Variants in STXBP5 observed in about 807,000 individuals in gnomAD.
The protein encoded by STXBP5 is syntaxin-binding protein 5.
A neutral mutation model predicts 152.4 loss-of-function variants in STXBP5; 50 were observed. The ratio of observed to expected loss-of-function variants is 0.33; its 90% CI spans 0.26 to 0.42. The LOEUF is 0.42. STXBP5 is among the 10% of genes least tolerant of loss of function. STXBP5 has a pLI of 1.00. For synonymous variants in STXBP5, 492 were observed against 494.7 expected (o/e 0.99, Z 0.07); for missense variants, 1,167 against 1,388.6 (o/e 0.84, Z 2.54).
At chr6:147,236,947 T>C (rs143807789) in intron 3 of STXBP5, among the ~76,000 whole-genome samples, 3,167 of 152,112 alleles carry the variant, frequency 0.021, 115 homozygotes, top group African/African-American at 0.073. Context: ...CCGGCCAGTT[T>C]TTGTATTTTT....
chr6:147,214,988 TAAA>T (rs1413787506), intron 2 of STXBP5, among the ~76,000 whole-genome samples: 3 of 152,182 alleles, frequency 2.0e-5, no homozygotes, highest in East Asian at 3.8e-4. Context: ...TGCAGACACT[TAAA>T]GAAGATCTGA....
intron 16 of STXBP5, among the ~76,000 whole-genome samples, chr6:147,321,320 T>C (rs1183686610): frequency 6.6e-6 from 1 of 152,148 alleles, no homozygotes; most frequent in Non-Finnish European, 1.5e-5. Flanking sequence ...TTGGTTTATT[T>C]GAAGAAACAT....
At chr6:147,282,365 T>C (rs1028393049) in intron 8 of STXBP5, among the ~76,000 whole-genome samples, 2 of 152,196 alleles carry the variant, frequency 1.3e-5, no homozygotes, top group Non-Finnish European at 2.9e-5. Flanking sequence ...AATCTCACTT[T>C]TATGAGTCTC....
intron 18 of STXBP5, among the ~76,000 whole-genome samples, chr6:147,329,087 T>G (rs888168378): frequency 6.6e-6 from 1 of 151,886 alleles, no homozygotes; most frequent in Admixed American, 6.6e-5. Flanking sequence ...AATTACACTA[T>G]CCATAAAATT....
At chr6:147,287,119 G>T (rs1307308410) in intron 8 of STXBP5, among the ~76,000 whole-genome samples, 1 of 149,226 alleles carries the variant, frequency 6.7e-6, no homozygotes, top group African/African-American at 2.5e-5. Context: ...TAGAGAATGG[G>T]GTATTAATCC....
At chr6:147,278,516 AC>A (rs1300167605) in intron 8 of STXBP5, among the ~76,000 whole-genome samples, 2 of 152,192 alleles carry the variant, frequency 1.3e-5, no homozygotes, top group Non-Finnish European at 2.9e-5. Context: ...TGCAGGATTT[AC>A]ATTAAGCTTT....
rs1234878532 is a variant in STXBP5 at position 147,314,462 on chromosome 6, C to T, written c.1361+131C>T. 1.9e-5 allele frequency: 25 copies of T among 1,300,626 alleles called. No homozygotes were observed. The Middle Eastern group carries it at 1.1e-3, about 60-fold the overall frequency. 80.6% of individuals were successfully genotyped at this position (1,300,626 alleles called of 1,614,324 possible). On this transcript the variant is annotated intron_variant, in intron 13 of 27. Coordinates refer to ENST00000321680, the MANE Select transcript of STXBP5 (RefSeq NM_001127715.4). ...TCGTAATATAATAAGAAATGTTATT[C>T]TTAAGAACCTGCCAGTTTACCCTGA...
At chr6:147,234,622 G>A in intron 2 of STXBP5, among the ~76,000 whole-genome samples, 1 of 151,940 alleles carries the variant, frequency 6.6e-6, no homozygotes, top group East Asian at 1.9e-4. Context: ...TGTGGAAAAT[G>A]TTATATAAAT....
intron 4 of STXBP5, among the ~76,000 whole-genome samples, chr6:147,253,400 C>T (rs1025521469): frequency 6.6e-6 from 1 of 152,142 alleles, no homozygotes; most frequent in Non-Finnish European, 1.5e-5. Flanking sequence ...CGGTACAAGA[C>T]AAGGATGCCC....
rs373940110 is a variant in STXBP5, at chr6:147,334,158, C to T, written c.2082C>T (p.Ala694=). Residue 694 remains alanine, a splice_region_variant and synonymous_variant, in exon 19 of 28, where the codon GCC becomes GCT. Coordinates refer to ENST00000321680, the MANE Select transcript of STXBP5 (RefSeq NM_001127715.4). ...SPRKSRQPSG[A]GLCDISEGTV... is the part of the protein sequence containing the mutation. ...TTGTTTTTTGTTTTTGTTTTGTAGC[C>T]GGTCTGTGTGATATTAGTGAAGGGA... is the stretch of plus-strand genomic sequence containing the variant. The T allele has an allele frequency of 1.7e-5, 28 of 1,611,402 alleles. No individual in the cohort carries two copies. In the Middle Eastern group the frequency reaches 1.6e-3, roughly 95 times the overall value.
chr6:147,290,531 A>G (rs1043462526), intron 8 of STXBP5, among the ~76,000 whole-genome samples: 3 of 152,204 alleles, frequency 2.0e-5, no homozygotes, highest in African/African-American at 7.2e-5. Flanking sequence ...GAAATAGATA[A>G]CTGAAATCAA....
Position 147,313,922 on chromosome 6 carries a change from A to C in STXBP5, c.1184A>C (p.His395Pro), listed in dbSNP as rs1252065017. ...GAAAATCCCTACCCTTTGAGTATAC[A>C]TGAGTCCCCTGTTACATGTTGCGAA... Reference protein sequence around the residue: ...IFENPYPLSIHESPVTCCEYF... With the variant: ...IFENPYPLSIPESPVTCCEYF... Residue 395 changes from histidine to proline, a missense_variant, in exon 12 of 28, where the codon CAT (histidine) becomes CCT (proline). By Grantham distance (77) the His-to-Pro change is moderately conservative. Transcript: ENST00000321680. 6.3e-7 allele frequency: 1 copy of C among 1,599,148 alleles called. No homozygotes were observed. Among genetic ancestry groups the C allele is most frequent in the East Asian group, 2.2e-5 (1 of 44,728 alleles).
At chr6:147,218,927 C>G (rs919933388) in intron 2 of STXBP5, among the ~76,000 whole-genome samples, 2 of 152,164 alleles carry the variant, frequency 1.3e-5, no homozygotes, top group Non-Finnish European at 2.9e-5. Flanking sequence ...TCTTCCTAAT[C>G]TATGTGCATA....
At chr6:147,318,062 T>G (rs1430095302) in intron 16 of STXBP5, among the ~76,000 whole-genome samples, 1 of 152,236 alleles carries the variant, frequency 6.6e-6, no homozygotes, top group East Asian at 1.9e-4. Context: ...TAGAATGATT[T>G]ATTTAATTTG....
chr6:147,305,379 C>T (rs1457243427), intron 9 of STXBP5, among the ~76,000 whole-genome samples: 1 of 151,916 alleles, frequency 6.6e-6, no homozygotes, highest in African/African-American at 2.4e-5. Context: ...TTCTTTTTTC[C>T]TCTCAGCCCT....
At chr6:147,329,675 G>A (rs1034419961) in intron 18 of STXBP5, among the ~76,000 whole-genome samples, 2 of 119,618 alleles carry the variant, frequency 1.7e-5, no homozygotes, top group Non-Finnish European at 3.2e-5. Context: ...GCCCAGGCTG[G>A]ACTGCAGTGG....
At chr6:147,360,695 GA>G (rs1289484047) in intron 23 of STXBP5, among the ~76,000 whole-genome samples, 6 of 152,216 alleles carry the variant, frequency 3.9e-5, no homozygotes, top group African/African-American at 1.4e-4. Flanking sequence ...GAAGTGTTAG[GA>G]AAAGGTGACT....
At chr6:147,331,176 C>G (rs532462622) in intron 18 of STXBP5, among the ~76,000 whole-genome samples, 1 of 152,060 alleles carries the variant, frequency 6.6e-6, no homozygotes, top group South Asian at 2.1e-4. Context: ...AGCTTCCTGT[C>G]TGGACTTTTG....
Position 147,326,958 on chromosome 6 carries a change from C to T in STXBP5, c.1929-167C>T, listed in dbSNP as rs187219249. On this transcript the variant is annotated intron_variant, in intron 17 of 27. Transcript: ENST00000321680. ...TGTCTGCAGAAGATCTAAACAGTTCCGTGAGTAGGCATATGTAACCTGTAT... is the reference window on the plus strand; with the variant it reads ...TGTCTGCAGAAGATCTAAACAGTTCTGTGAGTAGGCATATGTAACCTGTAT... 2.9e-4 allele frequency among the ~76,000 whole-genome samples: 44 copies of T among 152,272 alleles called. No individual in the cohort carries two copies. In the East Asian group the frequency reaches 5.6e-3, roughly 19 times the overall value.
Sources: gnomAD v4.1 joint callset for allele counts (sites outside exome capture counted in the v4.1 genomes callset) on GRCh38, gnomAD v4.1.1 for gene constraint, MANE v1.5 for transcripts, NCBI Gene and HGNC (gene_info 2026-07-23, HGNC 2026-07-21) for gene names.